The following KAT2A variants were observed in gnomAD, a reference collection of about 807,000 sequenced individuals.
The protein encoded by KAT2A is lysine acetyltransferase 2A, also known as histone acetyltransferase KAT2A.
Under a neutral mutation model 95.2 loss-of-function variants are expected in KAT2A, and 42 were observed. The observed-to-expected ratio is 0.44, with a 90% CI of 0.34 to 0.57. The LOEUF is 0.57. Among genes scored for constraint, KAT2A ranks in the 20% least tolerant of loss-of-function variants. The pLI, the probability that KAT2A is intolerant of heterozygous loss-of-function variation, is 0.01. For synonymous variants in KAT2A, 449 were observed against 448.2 expected (o/e 1.00, Z -0.02); for missense variants, 784 against 1,126.3 (o/e 0.70, Z 4.35).
chr17:42,117,895 T>C lies in KAT2A; in HGVS notation c.1291+12A>G. On this transcript the variant is annotated intron_variant, in intron 8 of 17. Transcript: ENST00000225916. This position sits in a 1 kb window ranked among gnomAD's most constrained non-coding sequence, Gnocchi z 8.9. ...GTGAATGAGGGTCAGAGGTCAGGGG[T>C]CAAGTATCCACCTGGCATAGGCTCG... 8 of 1,597,472 alleles carry C rather than the reference T, an allele frequency of 5.0e-6. No individual in the cohort carries two copies. The highest frequency in any genetic ancestry group is 6.8e-6 in the Non-Finnish European group (8 of 1,168,518).
chr17:42,119,868 C>G lies in KAT2A; in HGVS notation c.700-150G>C. 3 of 966,342 alleles carry G rather than the reference C, an allele frequency of 3.1e-6. No homozygotes were observed. The highest frequency in any genetic ancestry group is 4.7e-6 in the Non-Finnish European group (3 of 641,926). The allele number at this position is 966,342 out of a possible 1,614,324, so 59.9% of individuals were successfully genotyped here. A position where few individuals can be genotyped will look rare whatever the true frequency, so the allele number is the denominator to read the frequency against. On this transcript the variant is annotated intron_variant, in intron 4 of 17. Transcript: ENST00000225916. The surrounding 1 kb of genome is among the most constrained non-coding windows in gnomAD (Gnocchi z 5.3). Reference sequence around the variant, plus strand: ...TGCTCTCTATAGAAAAGCTCTGCCCCCTCCCTACCACCATGCCCACCCTGA... The same window carrying G: ...TGCTCTCTATAGAAAAGCTCTGCCCGCTCCCTACCACCATGCCCACCCTGA...
rs1371657768 is a variant in KAT2A at position 42,121,327 on chromosome 17, G to A, written c.-23C>T. 5 of 1,364,914 alleles carry A rather than the reference G, an allele frequency of 3.7e-6. No individual in the cohort carries two copies. The highest frequency in any genetic ancestry group is 3.7e-5 in the Admixed American group (1 of 26,950). The allele number at this position is 1,364,914 out of a possible 1,614,324, so 84.6% of individuals were successfully genotyped here. ...CATGGCCTCCCCCGCAGCGGAGAGC[G>A]GCGCCGCGCTCCCAGCCCTAGGGCC... On this transcript the variant is annotated 5_prime_UTR_variant, in exon 1 of 18. Transcript: ENST00000225916.
Position 42,114,838 on chromosome 17 carries a change from C to G in KAT2A, c.2019+54G>C. The G allele has an allele frequency of 6.3e-7, 1 of 1,589,534 alleles. No individual in the cohort carries two copies. The highest frequency in any genetic ancestry group is 8.6e-7 in the Non-Finnish European group (1 of 1,159,390). ...AACAGGTCTACACACGTGTGCTCGC[C>G]CTCTGCATGCCCATTCATGAAAAAT... On this transcript the variant is annotated intron_variant, in intron 13 of 17. Transcript: ENST00000225916. This position sits in a 1 kb window ranked among gnomAD's most constrained non-coding sequence, Gnocchi z 6.0.
chr17:42,117,716 G>C lies in KAT2A; in HGVS notation c.1390C>G (p.Leu464Val). The stretch of plus-strand genomic sequence containing the variant: ...ATGGCAGCAGGGTCAGTGATGGTCA[G>C]CATGACCTCATTGACCAGCTCCATG... Reference protein sequence around the residue: ...IPMELVNEVMLTITDPAAMLG... With the variant: ...IPMELVNEVMVTITDPAAMLG... The change falls in exon 9 of 18, where the codon CTG (leucine) becomes GTG (valine). Residue 464 changes from leucine to valine, a missense_variant. Transcript: ENST00000225916. This position sits in a 1 kb window ranked among gnomAD's most constrained non-coding sequence, Gnocchi z 8.9. 6.2e-7 allele frequency: 1 copy of C among 1,613,502 alleles called. No homozygotes were observed. The highest frequency in any genetic ancestry group is 8.5e-7 in the Non-Finnish European group (1 of 1,179,688).
rs1555666351 is a variant in KAT2A at position 42,117,783 on chromosome 17, G to C, written c.1323C>G (p.Thr441=). The C allele has an allele frequency of 6.2e-7, 1 of 1,613,928 alleles. No individual in the cohort carries two copies. The highest frequency in any genetic ancestry group is 1.1e-5 in the South Asian group (1 of 91,094). Residue 441 remains threonine, a synonymous_variant, in exon 9 of 18, where the codon ACC becomes ACG. Coordinates refer to ENST00000225916, the MANE Select transcript of KAT2A (RefSeq NM_021078.3). The surrounding 1 kb of genome is among the most constrained non-coding windows in gnomAD (Gnocchi z 8.9). ...GEKRTLPENL[T]LEDAKRLRVM... is the part of the protein sequence containing the mutation. ...CACGGAGCCGCTTGGCATCCTCCAG[G>C]GTCAGGTTCTCTGGGAGCGTCCTCT...
In KAT2A at chr17:42,113,492, T is replaced by C. The variant is rs114598581; in HGVS notation, c.*157A>G. 3,547 of 637,582 alleles carry C rather than the reference T, an allele frequency of 5.6e-3. 104 individuals are homozygous for C. The African/African-American group carries it at 0.061, about 11-fold the overall frequency. The allele number at this position is 637,582 out of a possible 1,614,324, so 39.5% of individuals were successfully genotyped here. A position where few individuals can be genotyped will look rare whatever the true frequency, so the allele number is the denominator to read the frequency against. Reference sequence around the variant, plus strand: ...ACAGAGCTGCACGCTTGGGGGTGCCTGAAGGTCCAGAAAGAGCTGCAGGAT... The same window carrying C: ...ACAGAGCTGCACGCTTGGGGGTGCCCGAAGGTCCAGAAAGAGCTGCAGGAT... On this transcript the variant is annotated 3_prime_UTR_variant, in exon 18 of 18. Coordinates refer to ENST00000225916, the MANE Select transcript of KAT2A (RefSeq NM_021078.3).
Position 42,117,886 on chromosome 17 carries a change from G to C in KAT2A, c.1291+21C>G, listed in dbSNP as rs1409983686. On this transcript the variant is annotated intron_variant, in intron 8 of 17. Transcript: ENST00000225916. The surrounding 1 kb of genome is among the most constrained non-coding windows in gnomAD (Gnocchi z 8.9). ...TGGGAAGGAGTGAATGAGGGTCAGA[G>C]GTCAGGGGTCAAGTATCCACCTGGC... is the stretch of plus-strand genomic sequence containing the variant. 1 of 1,600,032 alleles carries C rather than the reference G, an allele frequency of 6.2e-7. No homozygotes were observed. Among genetic ancestry groups the C allele is most frequent in the South Asian group, 1.1e-5 (1 of 89,736 alleles).
In KAT2A at chr17:42,115,053, A is replaced by G. The variant is rs782144150; in HGVS notation, c.1876-18T>C. On this transcript the variant is annotated intron_variant, in intron 12 of 17. Transcript: ENST00000225916. ...GAGAAACCCTGGGGGGTGGATGGTC[A>G]TGACCCAGTCCATCCATAAGTATTT... 7 of 1,612,364 alleles carry G rather than the reference A, an allele frequency of 4.3e-6. No homozygotes were observed. In the African/African-American group the frequency reaches 8.0e-5, roughly 18 times the overall value.
At position 42,114,290 on chromosome 17, in the gene KAT2A, G is replaced by T; in HGVS notation, c.2172-8C>A. 6.2e-7 allele frequency: 1 copy of T among 1,612,634 alleles called. No homozygotes were observed. The highest frequency in any genetic ancestry group is 8.5e-7 in the Non-Finnish European group (1 of 1,179,000). On this transcript the variant is annotated splice_polypyrimidine_tract_variant and splice_region_variant and intron_variant, in intron 15 of 17. Coordinates refer to ENST00000225916, the MANE Select transcript of KAT2A (RefSeq NM_021078.3). The surrounding 1 kb of genome is among the most constrained non-coding windows in gnomAD (Gnocchi z 6.0). ...GGGTCCTTCAGCTCCTTCCTGGGGC[G>T]AGAGACACCAAGTCTGAGGCTCCAA... is the stretch of plus-strand genomic sequence containing the variant.
rs782725349 is a variant in KAT2A, at chr17:42,114,453, G to A, written c.2134+37C>T. ...AATGCCAGTCCACACCCCAAGCATC[G>A]TGCCCCCACTACCCTGCAACTGAGA... On this transcript the variant is annotated intron_variant, in intron 14 of 17. Transcript: ENST00000225916. This position sits in a 1 kb window ranked among gnomAD's most constrained non-coding sequence, Gnocchi z 6.0. 1.2e-5 allele frequency: 20 copies of A among 1,612,288 alleles called. No homozygotes were observed. The highest frequency in any genetic ancestry group is 2.2e-5 in the East Asian group (1 of 44,884).
Position 42,121,299 on chromosome 17 carries a change from C to T in KAT2A, c.6G>A (p.Ala2=), listed in dbSNP as rs1468643299. 3 of 1,370,282 alleles carry T rather than the reference C, an allele frequency of 2.2e-6. No homozygotes were observed. Among genetic ancestry groups the T allele is most frequent in the East Asian group, 3.0e-5 (1 of 33,114 alleles). The allele number at this position is 1,370,282 out of a possible 1,614,324, so 84.9% of individuals were successfully genotyped here. A position where few individuals can be genotyped will look rare whatever the true frequency, so the allele number is the denominator to read the frequency against. Residue 2 remains alanine (A), a synonymous_variant, in exon 1 of 18, where the codon GCG becomes GCA. Transcript: ENST00000225916. M[A]EPSQAPTPAP... ...CCGGGGTCGGGGCCTGGGAAGGTTC[C>T]GCCATGGCCTCCCCCGCAGCGGAGA...
intron 11 of KAT2A, 56 bp from the exon 12 acceptor site, chr17:42,115,889 G>A (rs2054251135): frequency 1.0e-6 from 1 of 961,720 alleles, no homozygotes. Context: ...TGGTGCTGGA[G>A]AGGTCTCAGA....
chr17:42,121,147 G>A lies in KAT2A; in HGVS notation c.158C>T (p.Ala53Val), dbSNP rs1555667280. The change falls in exon 1 of 18, where the codon GCC (alanine) becomes GTC (valine). Residue 53 changes from alanine (A) to valine (V), a missense_variant. By Grantham distance (64) the Ala-to-Val change is moderately conservative (BLOSUM62 0). Transcript: ENST00000225916. ...CCCAGTCCCTGTGCTGCCGGCTGGG[G>A]CTGCAGCTGGGGCAGGGGCTGGTGC... The part of the protein sequence containing the change: ...TPAPAPAPAA[A>V]PAGSTGTGGP... The A allele has an allele frequency of 1.4e-6, 2 of 1,477,920 alleles. No individual in the cohort carries two copies. Among genetic ancestry groups the A allele is most frequent in the East Asian group, 2.5e-5 (1 of 40,250 alleles). 91.6% of individuals were successfully genotyped at this position (1,477,920 alleles called of 1,614,324 possible).
At chr17:42,118,222 G>T in intron 7 of KAT2A, 75 bp downstream of exon 7, 2 of 1,201,210 alleles carry the variant, frequency 1.7e-6, no homozygotes, top group Non-Finnish European at 2.4e-6. Flanking sequence ...CGGCCCAGGT[G>T]AGCTCTCTTC....
chr17:42,118,538 C>T, intron 6 of KAT2A, 135 bp from the exon 7 acceptor site: 1 of 646,352 alleles, frequency 1.5e-6, no homozygotes, highest in East Asian at 2.7e-5. Flanking sequence ...AGGGGACAGC[C>T]CCTGTCTTCT....
At position 42,117,073 on chromosome 17, in the gene KAT2A, T is replaced by C. The variant is rs1294762186; in HGVS notation, c.1726A>G (p.Ile576Val). The C allele has an allele frequency of 1.2e-6, 2 of 1,614,030 alleles. No homozygotes were observed. The highest frequency in any genetic ancestry group is 3.3e-5 in the Admixed American group (2 of 60,012). ...TTCGAGGTGACAGCACAGAAGACAA[T>C]CTCCGTGAAGCCCTGGGTGGGAAAC... The part of the protein sequence containing the change: ...RMFPTQGFTE[I>V]VFCAVTSNEQ... The change falls in exon 11 of 18, where the codon ATT (isoleucine) becomes GTT (valine). Residue 576 changes from isoleucine (I) to valine (V), a missense_variant. Ile to Val is a conservative substitution (Grantham distance 29, BLOSUM62 3). Transcript: ENST00000225916. The surrounding 1 kb of genome is among the most constrained non-coding windows in gnomAD (Gnocchi z 8.9).
intron 12 of KAT2A, 79 bp downstream of exon 12, chr17:42,115,644 A>G (rs1555665814): frequency 1.1e-6 from 1 of 888,694 alleles, no homozygotes; most frequent in Non-Finnish European, 1.9e-6. Context: ...AGGGACTCCT[A>G]CTCCATCCAC....
In KAT2A at chr17:42,115,717, G is replaced by A. The variant is rs782175629; in HGVS notation, c.1875+6C>T. The A allele has an allele frequency of 6.3e-6, 10 of 1,584,694 alleles. No individual in the cohort carries two copies. Among genetic ancestry groups the A allele is most frequent in the South Asian group, 2.2e-5 (2 of 90,484 alleles). The stretch of plus-strand genomic sequence containing the variant: ...AGGACCGGTGTGGGACGAGGCTACG[G>A]GTCACCTGCTTTTTGAAGTAGCCGA... On this transcript the variant is annotated splice_donor_region_variant and intron_variant, in intron 12 of 17. Transcript: ENST00000225916.
At chr17:42,118,097 C>A in intron 7 of KAT2A, 80 bp from the exon 8 acceptor site, 1 of 904,152 alleles carries the variant, frequency 1.1e-6, no homozygotes, top group East Asian at 2.6e-5. Flanking sequence ...GGGGCTGAAG[C>A]TGAGGAGAGA....
Sources: gnomAD v4.1 joint callset for allele counts on GRCh38, gnomAD v4.1.1 for gene constraint, Gnocchi (gnomAD v3.1) non-coding constraint, MANE v1.5 for transcripts, NCBI Gene and HGNC (gene_info 2026-07-23, HGNC 2026-07-21) for gene names.